The following ZMAT5 variants were observed in gnomAD, a reference collection of about 807,000 sequenced individuals.
ZMAT5 encodes zinc finger matrin-type 5, also known as zinc finger matrin-type protein 5.
A neutral mutation model predicts 28.0 loss-of-function variants in ZMAT5; 23 were observed. The ratio of observed to expected loss-of-function variants is 0.82; its 90% CI spans 0.59 to 1.16. The LOEUF is 1.16. ZMAT5 is among the 50% of genes most tolerant of loss of function. The probability of loss-of-function intolerance (pLI) is 0.00; values close to 1 mark genes in which losing one functional copy is unlikely to be tolerated. For synonymous variants in ZMAT5, 76 were observed against 84.1 expected (o/e 0.90, Z 0.52); for missense variants, 173 against 212.7 (o/e 0.81, Z 1.16).
chr22:29,757,238 C>A, intron 1 of ZMAT5, among the ~76,000 whole-genome samples: 4 of 136,360 alleles, frequency 2.9e-5, no homozygotes, highest in Admixed American at 7.3e-5. Flanking sequence ...AAAAGGACTT[C>A]ACAGAAAAAA....
chr22:29,764,902 T>C (rs1182891316), intron 1 of ZMAT5, among the ~76,000 whole-genome samples: 1 of 151,770 alleles, frequency 6.6e-6, no homozygotes, highest in African/African-American at 2.4e-5. Context: ...CCCAAAACAC[T>C]GGGATTATAG....
intron 5 of ZMAT5, among the ~76,000 whole-genome samples, chr22:29,737,358 C>T (rs1173871284): frequency 1.3e-5 from 2 of 152,144 alleles, no homozygotes; most frequent in Admixed American, 1.3e-4. Flanking sequence ...AAAAAAAACA[C>T]CCTCATAGTC....
At chr22:29,755,368 G>GGGAGGGAGGGAGGGAGGGAGGGAGA (rs1569340083) in intron 1 of ZMAT5, among the ~76,000 whole-genome samples, 2 of 59,246 alleles carry the variant, frequency 3.4e-5, no homozygotes, top group Admixed American at 1.8e-4. Context: ...GGAGGGAGGG[G>GGGAGGGAGGGAGGGAGGGAGGGAGA]GAGAGAGAGA....
intron 1 of ZMAT5, among the ~76,000 whole-genome samples, chr22:29,764,049 G>C (rs1436786847): frequency 6.6e-6 from 1 of 151,962 alleles, no homozygotes; most frequent in Admixed American, 6.6e-5. Flanking sequence ...TTGAGCCCAG[G>C]AGTTCCAGGC....
Position 29,742,498 on chromosome 22 carries a change from G to A in ZMAT5, c.128-18C>T. On this transcript the variant is annotated intron_variant, in intron 2 of 5. Transcript: ENST00000344318. ...AGCTGCATCTGCGAGAGAAGAGAGG[G>A]ACGGGATTCGGATGGTTCAGGCTCC... is the stretch of plus-strand genomic sequence containing the variant. 6.2e-7 allele frequency: 1 copy of A among 1,611,344 alleles called. No homozygotes were observed. The highest frequency in any genetic ancestry group is 8.5e-7 in the Non-Finnish European group (1 of 1,179,728).
At chr22:29,751,937 G>C (rs1417697427) in intron 1 of ZMAT5, among the ~76,000 whole-genome samples, 3 of 152,002 alleles carry the variant, frequency 2.0e-5, no homozygotes, top group Admixed American at 6.6e-5. Context: ...TTGTACTCCA[G>C]CCTGGACAAC....
chr22:29,764,840 G>C (rs1197136175), intron 1 of ZMAT5, among the ~76,000 whole-genome samples: 2 of 151,954 alleles, frequency 1.3e-5, no homozygotes, highest in East Asian at 3.9e-4. Context: ...TCACTATACG[G>C]CCCAGGCTGG....
At chr22:29,734,579 G>A (rs2067886206) in intron 5 of ZMAT5, among the ~76,000 whole-genome samples, 1 of 152,264 alleles carries the variant, frequency 6.6e-6, no homozygotes, top group Non-Finnish European at 1.5e-5. Context: ...CCCAGGCCAT[G>A]CAGGAGAAGC....
chr22:29,760,972 T>G (rs569673104), intron 1 of ZMAT5, among the ~76,000 whole-genome samples: 1 of 152,248 alleles, frequency 6.6e-6, no homozygotes, highest in Admixed American at 6.5e-5. Context: ...CTGTATATTT[T>G]GGAATTAAAA....
Position 29,738,332 on chromosome 22 carries a change from G to C in ZMAT5, c.381C>G (p.Ser127Arg), listed in dbSNP as rs776644985. 6.2e-7 allele frequency: 1 copy of C among 1,608,960 alleles called. No individual in the cohort carries two copies. The highest frequency in any genetic ancestry group is 1.7e-5 in the Admixed American group (1 of 59,972). Residue 127 changes from serine (S) to arginine (R), a missense_variant and splice_region_variant, in exon 5 of 6, where the codon AGC becomes AGG. By Grantham distance (110) the Ser-to-Arg change is moderately radical. Coordinates refer to ENST00000344318, the MANE Select transcript of ZMAT5 (RefSeq NM_001003692.2). The part of the protein sequence containing the change: ...RAKRLSSAPS[S>R]RAEPIRTTVF... ...GAGGGAACCCTGGGGACCTGTACCT[G>C]CTACTTGGGGCTGAGCTCAGCCGCT... is the stretch of plus-strand genomic sequence containing the variant.
chr22:29,763,292 C>CAATA (rs201954354), intron 1 of ZMAT5, among the ~76,000 whole-genome samples: 2,192 of 140,642 alleles, frequency 0.016, 45 homozygotes, highest in African/African-American at 0.047. Context: ...GACTCTGCCT[C>CAATA]AATAAATAAA....
At chr22:29,757,049 TA>T (rs1056598953) in intron 1 of ZMAT5, among the ~76,000 whole-genome samples, 15 of 151,312 alleles carry the variant, frequency 9.9e-5, no homozygotes, top group Non-Finnish European at 2.2e-4. Context: ...AAAATATATA[TA>T]TTTTTTAATT....
intron 1 of ZMAT5, among the ~76,000 whole-genome samples, chr22:29,749,096 G>A (rs1439203612): frequency 1.3e-5 from 2 of 150,434 alleles, no homozygotes; most frequent in African/African-American, 4.9e-5. Flanking sequence ...TTATTTTTTT[G>A]AGACAGAGTC....
At chr22:29,753,428 G>A (rs984129343) in intron 1 of ZMAT5, among the ~76,000 whole-genome samples, 29 of 152,182 alleles carry the variant, frequency 1.9e-4, no homozygotes, top group African/African-American at 6.8e-4. Context: ...AGAAGGCTGA[G>A]GCAGAAGAAT....
rs6006233 is a variant in ZMAT5, at chr22:29,740,519, C to T, written c.271+131G>A. On this transcript the variant is annotated intron_variant, in intron 4 of 5. Coordinates refer to ENST00000344318, the MANE Select transcript of ZMAT5 (RefSeq NM_001003692.2). ...GGCCCAAACCGGGGGCTCAGGGCTC[C>T]GCATCACCCTGGGTGGCCCTTGGTT... 6.8e-5 allele frequency: 63 copies of T among 926,840 alleles called. No individual in the cohort carries two copies. The African/African-American group carries it at 8.5e-4, about 13-fold the overall frequency. The allele number at this position is 926,840 out of a possible 1,614,324, so 57.4% of individuals were successfully genotyped here. A position where few individuals can be genotyped will look rare whatever the true frequency, so the allele number is the denominator to read the frequency against.
At chr22:29,736,858 A>G (rs2067910063) in intron 5 of ZMAT5, among the ~76,000 whole-genome samples, 1 of 150,024 alleles carries the variant, frequency 6.7e-6, no homozygotes. Flanking sequence ...CCCCGTCTCC[A>G]CTAAAAACAC....
At position 29,740,726 on chromosome 22, in the gene ZMAT5, C is replaced by G; in HGVS notation, c.195G>C (p.Gln65His). 1 of 1,594,068 alleles carries G rather than the reference C, an allele frequency of 6.3e-7. No individual in the cohort carries two copies. The highest frequency in any genetic ancestry group is 8.5e-7 in the Non-Finnish European group (1 of 1,170,526). Residue 65 changes from glutamine to histidine, a missense_variant, in exon 4 of 6, where the codon CAG (glutamine) becomes CAC (histidine). Transcript: ENST00000344318. ...ATCTGCAGTTGGAGCCAAAGTCGCACTGGCCTGCAGCAGGAAGACAGAGTT... is the reference window on the plus strand; with the variant it reads ...ATCTGCAGTTGGAGCCAAAGTCGCAGTGGCCTGCAGCAGGAAGACAGAGTT... ...RPCRKFLLTG[Q>H]CDFGSNCRFS... is the part of the protein sequence containing the mutation.
chr22:29,761,907 A>G (rs1009626969), intron 1 of ZMAT5, among the ~76,000 whole-genome samples: 1 of 152,170 alleles, frequency 6.6e-6, no homozygotes, highest in African/African-American at 2.4e-5. Context: ...CCCCCCATAT[A>G]TTCCTATTTC....
intron 4 of ZMAT5, among the ~76,000 whole-genome samples, chr22:29,739,690 G>A (rs776395335): frequency 6.6e-5 from 10 of 152,344 alleles, no homozygotes; most frequent in Middle Eastern, 3.4e-3. Context: ...TGGGCCAGCC[G>A]TCCTCTGAGA....
Sources: gnomAD v4.1 joint callset for allele counts (sites outside exome capture counted in the v4.1 genomes callset) on GRCh38, gnomAD v4.1.1 for gene constraint, MANE v1.5 for transcripts, NCBI Gene and HGNC (gene_info 2026-07-23, HGNC 2026-07-21) for gene names.